Variants in EXTL3 observed in about 807,000 individuals in gnomAD.
EXTL3 encodes the protein exostosin-like 3.
A neutral mutation model predicts 69.3 loss-of-function variants in EXTL3; 27 were observed. The ratio of observed to expected loss-of-function variants is 0.39; its 90% CI spans 0.29 to 0.54. The LOEUF (loss-of-function observed/expected upper bound fraction) is 0.54, where lower values mean the gene tolerates loss of function less well. Ranked by LOEUF, EXTL3 falls within the 20% of genes least tolerant of loss-of-function variation. EXTL3 has a pLI of 0.69. For synonymous variants in EXTL3, 511 were observed against 499.4 expected (o/e 1.02, Z -0.31); for missense variants, 1,003 against 1,231.8 (o/e 0.81, Z 2.78).
upstream of EXTL3, among the ~76,000 whole-genome samples, chr8:28,619,845 CTTTTTTTTTTTTTTTTTTTTTTTTTTTTT>C (rs56276866): frequency 9.8e-5 from 5 of 50,800 alleles, no homozygotes; most frequent in East Asian, 1.4e-3. Flanking sequence ...GCTTCTGGTT[CTTTTTTTTTTTTTTTTTTTTTTTTTTTTT>C]TTTTTTTTTT....
chr8:28,667,191 G>A (rs1168853728), intron 1 of EXTL3, among the ~76,000 whole-genome samples: 1 of 152,214 alleles, frequency 6.6e-6, no homozygotes, highest in Non-Finnish European at 1.5e-5. Context: ...TGCATTGGGG[G>A]TCAAGACTCA....
chr8:28,650,325 A>G (rs1806898177), intron 1 of EXTL3, among the ~76,000 whole-genome samples: 1 of 149,858 alleles, frequency 6.7e-6, no homozygotes, highest in Non-Finnish European at 1.5e-5. Flanking sequence ...AATATGGATA[A>G]TTGATTGGTT....
At chr8:28,674,902 C>A (rs998868689) in intron 1 of EXTL3, among the ~76,000 whole-genome samples, 2 of 152,090 alleles carry the variant, frequency 1.3e-5, no homozygotes, top group African/African-American at 4.8e-5. Context: ...ATAGTAATGG[C>A]CTCCCCTGAG....
chr8:28,621,781 TG>T (rs1806412133), upstream of EXTL3, among the ~76,000 whole-genome samples: 1 of 152,216 alleles, frequency 6.6e-6, no homozygotes, highest in East Asian at 1.9e-4. Context: ...CTAAGCTACT[TG>T]GAAGCTGCTT....
intron 1 of EXTL3, among the ~76,000 whole-genome samples, chr8:28,638,357 G>A (rs1806688142): frequency 6.6e-6 from 1 of 152,146 alleles, no homozygotes; most frequent in Admixed American, 6.5e-5. Flanking sequence ...TATGACAAAG[G>A]AAATGCATTA....
intron 4 of EXTL3, 41 bp downstream of exon 4, chr8:28,731,391 G>T: frequency 6.2e-7 from 1 of 1,612,274 alleles, no homozygotes; most frequent in South Asian, 1.1e-5. Flanking sequence ...GGTTGCAAGT[G>T]ACAGAAAACC....
chr8:28,614,555 T>C (rs531182536), intron 2 of EXTL3, among the ~76,000 whole-genome samples: 4 of 152,248 alleles, frequency 2.6e-5, no homozygotes, highest in Admixed American at 2.6e-4. Context: ...ATTACAGGTG[T>C]GAGGACCCCA....
At chr8:28,729,210 A>G (rs923488607) in intron 3 of EXTL3, among the ~76,000 whole-genome samples, 40 of 149,250 alleles carry the variant, frequency 2.7e-4, no homozygotes, top group African/African-American at 9.5e-4. Context: ...CAGGAGGATC[A>G]CTTGAGCCTG....
intron 5 of EXTL3, chr8:28,742,235 TTTTAA>T (rs1169711242): frequency 6.6e-6 from 1 of 152,184 alleles, no homozygotes; most frequent in Non-Finnish European, 1.5e-5. Flanking sequence ...TTTAATATAA[TTTTAA>T]TTTATTTAAT....
intron 2 of EXTL3, among the ~76,000 whole-genome samples, chr8:28,612,761 G>A (rs71519700): frequency 0.21 from 32,008 of 151,634 alleles, 3,978 homozygotes; most frequent in Non-Finnish European, 0.28. Flanking sequence ...CTTTGTTGCC[G>A]AGGCTGGAGT....
intron 3 of EXTL3, among the ~76,000 whole-genome samples, chr8:28,719,484 A>G (rs1448762829): frequency 6.6e-6 from 1 of 152,180 alleles, no homozygotes; most frequent in Non-Finnish European, 1.5e-5. Context: ...CATAGTTGTT[A>G]CTGCCTACTT....
intron 1 of EXTL3, among the ~76,000 whole-genome samples, chr8:28,651,884 C>T (rs565379450): frequency 2.0e-5 from 3 of 152,158 alleles, no homozygotes; most frequent in East Asian, 1.9e-4. Flanking sequence ...TCTGTATCTA[C>T]GAATTTGCGT....
intron 1 of EXTL3, among the ~76,000 whole-genome samples, chr8:28,662,134 G>C (rs1807126760): frequency 6.6e-6 from 1 of 151,912 alleles, no homozygotes. Context: ...GTATACAAAG[G>C]AATCTCATCG....
chr8:28,699,480 C>T (rs984239640), upstream of EXTL3: 1 of 152,892 alleles, frequency 6.5e-6, no homozygotes, highest in Non-Finnish European at 1.5e-5. Context: ...AGGTGAATAT[C>T]CCTGTTCTTC....
intron 1 of EXTL3, among the ~76,000 whole-genome samples, chr8:28,701,906 A>T (rs1800808935): frequency 6.6e-6 from 1 of 152,090 alleles, no homozygotes; most frequent in Non-Finnish European, 1.5e-5. Context: ...CGGGAGGGCT[A>T]ACGGGTCCCT....
In EXTL3 at chr8:28,616,614, G is replaced by A. The variant is rs188457168; in HGVS notation, n.314+8856G>A. 8.9e-3 allele frequency among the ~76,000 whole-genome samples: 1,326 copies of A among 149,006 alleles called. 16 individuals carry two copies. Among genetic ancestry groups the A allele is most frequent in the African/African-American group, 0.03 (1,191 of 40,194 alleles). ...TGCACTCCAGCCTGGGCGACAGAGC[G>A]AGACTCCGTCTCAAAAAAAAAAAAA... On this transcript the variant is annotated intron_variant and non_coding_transcript_variant, in intron 2 of 4. Coordinates refer to the EXTL3 transcript ENST00000522725.
chr8:28,742,446 G>A (rs112707643), intron 5 of EXTL3: 20 of 157,744 alleles, frequency 1.3e-4, no homozygotes, highest in South Asian at 3.8e-4. Context: ...GCTTTGGAGC[G>A]AAGGGGTGAT....
Position 28,717,713 on chromosome 8 carries a change from G to T in EXTL3, c.1654G>T (p.Glu552Ter). Residue 552 changes from glutamate (E) to a stop codon, truncating the protein, a stop_gained, in exon 3 of 7, where the codon GAG (glutamate) becomes TAG (stop). Transcript: ENST00000220562. LOFTEE classifies it high-confidence loss of function. The surrounding 1 kb of genome is among the most constrained non-coding windows in gnomAD (Gnocchi z 8.3). ...TCCCATCCGGGAAGAGGCGGCAGCT[G>T]AGATCCCCCACCGTTCAGGCAAGGC... ...AAPIREEAAA[E>*]IPHRSGKAAG... 6.2e-7 allele frequency: 1 copy of T among 1,614,258 alleles called. No individual in the cohort carries two copies. The highest frequency in any genetic ancestry group is 8.5e-7 in the Non-Finnish European group (1 of 1,180,042).
chr8:28,706,495 A>G (rs183863624), intron 1 of EXTL3, among the ~76,000 whole-genome samples: 2 of 152,288 alleles, frequency 1.3e-5, no homozygotes, highest in African/African-American at 4.8e-5. Context: ...GAAAGAGGAT[A>G]GACACAGTTT....
Sources: allele counts gnomAD v4.1 joint callset (sites outside exome capture counted in the v4.1 genomes callset), GRCh38; gene constraint gnomAD v4.1.1; non-coding constraint Gnocchi (gnomAD v3.1); transcripts MANE v1.5; gene names NCBI Gene and HGNC (gene_info 2026-07-23, HGNC 2026-07-21).